PIGQ: variants seen among roughly 807,000 people sequenced by gnomAD.
The protein encoded by PIGQ is phosphatidylinositol glycan anchor biosynthesis class Q, also known as phosphatidylinositol N-acetylglucosaminyltransferase subunit Q.
Under a neutral mutation model 60.3 loss-of-function variants are expected in PIGQ, and 54 were observed. That is an observed-to-expected ratio of 0.90 (90% CI 0.72 to 1.12). PIGQ has a LOEUF of 1.12. Among genes scored for constraint, PIGQ ranks in the 50% most tolerant of loss-of-function variants. The probability of loss-of-function intolerance (pLI) is 0.00; values close to 1 mark genes in which losing one functional copy is unlikely to be tolerated. For missense variants in PIGQ, 799 were observed against 793.5 expected, an observed-to-expected ratio of 1.01 and a Z score of -0.08; for synonymous variants, 416 against 363.7, an observed-to-expected ratio of 1.14 and a Z score of -1.64.
In PIGQ at chr16:574,459, ATCT is replaced by A. The variant is rs1247742420; in HGVS notation, c.389_391del (p.Phe130del). ...CCCTGGTGAGGACCAGGTCATGCTC[ATCT>A]TCTATGACCAGCGCCAGGTGTTGCT... On this transcript the variant is annotated inframe_deletion, in exon 2 of 11. Coordinates refer to ENST00000321878, the MANE Select transcript of PIGQ (RefSeq NM_004204.5). 5.6e-6 allele frequency: 9 copies of A among 1,610,902 alleles called. No individual in the cohort carries two copies. The highest frequency in any genetic ancestry group is 7.6e-6 in the Non-Finnish European group (9 of 1,179,236).
Position 574,236 on chromosome 16 carries a change from G to C in PIGQ, c.162G>C (p.Gln54His). Residue 54 changes from glutamine to histidine, a missense_variant, in exon 2 of 11, where the codon CAG (glutamine) becomes CAC (histidine). Gln to His is a conservative substitution (Grantham distance 24). Transcript: ENST00000321878. ...QVKQLLAQVRQASQVGVAVLG... is the reference protein window; with the variant it reads ...QVKQLLAQVRHASQVGVAVLG... Reference sequence around the variant, plus strand: ...AGCAGCTCCTGGCCCAGGTGCGGCAGGCCAGCCAGGTGGGCGTGGCCGTGC... The same window carrying C: ...AGCAGCTCCTGGCCCAGGTGCGGCACGCCAGCCAGGTGGGCGTGGCCGTGC... The C allele has an allele frequency of 6.2e-7, 1 of 1,610,718 alleles. No homozygotes were observed. The highest frequency in any genetic ancestry group is 8.5e-7 in the Non-Finnish European group (1 of 1,179,654).
At chr16:579,382 G>A in intron 7 of PIGQ, 1 of 596,370 alleles carries the variant, frequency 1.7e-6, no homozygotes, top group South Asian at 2.0e-5. Flanking sequence ...CTGGGCCACA[G>A]AGAAGAGACA....
rs576698468 is a variant in PIGQ at position 578,882 on chromosome 16, G to A, written c.1167G>A (p.Ser389=). The A allele has an allele frequency of 1.1e-5, 17 of 1,613,600 alleles. No individual in the cohort carries two copies. The highest frequency in any genetic ancestry group is 6.7e-5 in the Admixed American group (4 of 59,998). The change falls in exon 6 of 11, where the codon TCG becomes TCA. Residue 389 remains serine, a synonymous_variant. Transcript: ENST00000321878. ...TGACGGTGGCCCTGTCCCTCCTCTC[G>A]GACATTATCGCCCTCCTCACCTTCC... is the stretch of plus-strand genomic sequence containing the variant. ...LGLTVALSLL[S]DIIALLTFHI...
At chr16:580,492 G>A (rs1053722635) in intron 8 of PIGQ, 29 of 551,520 alleles carry the variant, frequency 5.3e-5, no homozygotes, top group Non-Finnish European at 7.8e-5. Context: ...GGTGCGTGGT[G>A]GAAGGACCCC....
rs1176149269 is a variant in PIGQ at position 571,038 on chromosome 16, C to CGTGTGTGTGTGTGT, written c.-10+999_-10+1012dup. Among the ~76,000 whole-genome samples the CGTGTGTGTGTGTGT allele has an allele frequency of 1.1e-4, 9 of 85,224 alleles. 1 individual carries two copies. Among genetic ancestry groups the CGTGTGTGTGTGTGT allele is most frequent in the Non-Finnish European group, 1.3e-4 (5 of 38,188 alleles). The allele number at this position is 85,224 out of a possible 152,430, so 55.9% of individuals were successfully genotyped here. The stretch of plus-strand genomic sequence containing the variant: ...AAGCTCTTCTGGCTAGCCTGGCGCC[C>CGTGTGTGTGTGTGT]GTGTGTGTGTGTGTGTGTGTGTGTG... On this transcript the variant is annotated intron_variant, in intron 1 of 10. Transcript: ENST00000321878.
intron 1 of PIGQ, among the ~76,000 whole-genome samples, chr16:571,106 T>C (rs1567173447): frequency 2.2e-3 from 6 of 2,780 alleles, no homozygotes; most frequent in African/African-American, 9.0e-3. Flanking sequence ...TGTGTGTGTG[T>C]GTCTGGCTAG....
intron 1 of PIGQ, chr16:572,646 C>T (rs1324217492): frequency 1.3e-5 from 6 of 456,004 alleles, no homozygotes; most frequent in South Asian, 9.3e-5. Context: ...CTGAGACCTC[C>T]AGGCATCCCA....
At chr16:571,041 G>GGCTAGCC (rs2035609881) in intron 1 of PIGQ, among the ~76,000 whole-genome samples, 1 of 10,318 alleles carries the variant, frequency 9.7e-5, no homozygotes, top group Non-Finnish European at 2.1e-4. Flanking sequence ...TGGCGCCCGT[G>GGCTAGCC]TGTGTGTGTG....
chr16:577,386 G>GC (rs2035736566), intron 4 of PIGQ, among the ~76,000 whole-genome samples: 1 of 151,468 alleles, frequency 6.6e-6, no homozygotes, highest in Non-Finnish European at 1.5e-5. Context: ...GACCATCCTG[G>GC]CTAACACAGT....
intron 4 of PIGQ, 101 bp downstream of exon 4, chr16:576,355 G>A: frequency 2.3e-6 from 3 of 1,326,552 alleles, no homozygotes; most frequent in Non-Finnish European, 3.1e-6. Flanking sequence ...CACAAAGCCA[G>A]TTCTACCTTC....
chr16:582,857 A>C, intron 10 of PIGQ, 26 bp from the exon 11 acceptor site: 1 of 1,571,830 alleles, frequency 6.4e-7, no homozygotes, highest in Non-Finnish European at 8.6e-7. Flanking sequence ...AGACCACCCC[A>C]CTGACCGCTG....
chr16:572,480 C>G (rs2035648643), intron 1 of PIGQ: 3 of 455,782 alleles, frequency 6.6e-6, no homozygotes, highest in Non-Finnish European at 1.3e-5. Flanking sequence ...TGTGAGGCCT[C>G]TTCCAGAGCC....
intron 1 of PIGQ, among the ~76,000 whole-genome samples, chr16:573,034 G>T (rs2151043504): frequency 6.6e-6 from 1 of 152,372 alleles, no homozygotes; most frequent in Admixed American, 6.5e-5. Context: ...CCACCGCTAG[G>T]GAGTCCTCCT....
Position 578,453 on chromosome 16 carries a change from A to C in PIGQ, c.1017A>C (p.Ala339=). The part of the protein sequence containing the change: ...GAPAGLKMNR[A]LDQVLGRFFL... ...CCGCCGGGCTCAAGATGAACCGTGC[A>C]CTGGACCAGGTGCTGGGCCGCTTCT... The change falls in exon 5 of 11, where the codon GCA becomes GCC. Residue 339 remains alanine, a synonymous_variant. Transcript: ENST00000321878. 6.2e-7 allele frequency: 1 copy of C among 1,612,678 alleles called. No homozygotes were observed. Among genetic ancestry groups the C allele is most frequent in the Non-Finnish European group, 8.5e-7 (1 of 1,179,872 alleles).
chr16:576,134 G>T lies in PIGQ; in HGVS notation c.822G>T (p.Arg274Ser). The T allele has an allele frequency of 6.5e-7, 1 of 1,548,034 alleles. No individual in the cohort carries two copies. The highest frequency in any genetic ancestry group is 1.7e-4 in the Middle Eastern group (1 of 5,988). Reference protein sequence around the residue: ...RKAENPAQLMRKANTVASVLL... With the variant: ...RKAENPAQLMSKANTVASVLL... ...CGGCCGGGCCGGACCTCCCTTCCAGGAAGGCCAACACGGTGGCCTCTGTGC... is the reference window on the plus strand; with the variant it reads ...CGGCCGGGCCGGACCTCCCTTCCAGTAAGGCCAACACGGTGGCCTCTGTGC... Residue 274 changes from arginine to serine, a missense_variant and splice_region_variant, in exon 4 of 11, where the codon AGG (arginine) becomes AGT (serine). By Grantham distance (110) the Arg-to-Ser change is moderately radical. Transcript: ENST00000321878.
At chr16:578,353 C>T in intron 4 of PIGQ, 26 bp from the exon 5 acceptor site, 1 of 1,596,962 alleles carries the variant, frequency 6.3e-7, no homozygotes, top group Non-Finnish European at 8.5e-7. Flanking sequence ...TGCCCCCGCC[C>T]CAGCGTGGCC....
rs1315908479 is a variant in PIGQ, at chr16:582,953, A to G, written c.1664A>G (p.His555Arg). 1.9e-6 allele frequency: 3 copies of G among 1,612,182 alleles called. No homozygotes were observed. In the African/African-American group the frequency reaches 4.0e-5, roughly 22 times the overall value. ...CCCAGCTGTGGCTGCCACCCCAAGC[A>G]CTCCTGGGGCGCCCTGTGCCGCAAG... ...RLPSCGCHPK[H>R]SWGALCRKLF... Residue 555 changes from histidine to arginine, a missense_variant, in exon 11 of 11, where the codon CAC becomes CGC. By Grantham distance (29) the His-to-Arg change is conservative. Coordinates refer to ENST00000321878, the MANE Select transcript of PIGQ (RefSeq NM_004204.5).
intron 4 of PIGQ, chr16:577,888 G>C (rs2035745570): frequency 6.5e-6 from 1 of 153,660 alleles, no homozygotes; most frequent in South Asian, 2.0e-4. Flanking sequence ...CTGTGGCCCT[G>C]ATGGGCTTGG....
At chr16:581,287 G>A in intron 9 of PIGQ, 6 of 1,323,082 alleles carry the variant, frequency 4.5e-6, no homozygotes, top group Non-Finnish European at 6.0e-6. Context: ...GCAGGCCAGG[G>A]GCCAAGCGCG....
Sources: allele counts gnomAD v4.1 joint callset (sites outside exome capture counted in the v4.1 genomes callset), GRCh38; gene constraint gnomAD v4.1.1; transcripts MANE v1.5; gene names NCBI Gene and HGNC (gene_info 2026-07-23, HGNC 2026-07-21).